Variants in SYNPO observed in about 807,000 individuals in gnomAD.
SYNPO encodes the protein synaptopodin.
In SYNPO, 19 loss-of-function variants were observed where a neutral mutation model predicts 49.5. The ratio of observed to expected loss-of-function variants is 0.38; its 90% CI spans 0.27 to 0.56. The LOEUF (loss-of-function observed/expected upper bound fraction) is 0.56, where lower values mean the gene tolerates loss of function less well. SYNPO is among the 20% of genes least tolerant of loss of function. The pLI is 0.68. For synonymous variants in SYNPO, 536 were observed against 548.0 expected, an observed-to-expected ratio of 0.98 and a Z score of 0.31; for missense variants, 1,131 against 1,248.3, an observed-to-expected ratio of 0.91 and a Z score of 1.42.
At chr5:150,592,346 G>C in the SYNPO span, among the ~76,000 whole-genome samples, 6 of 152,156 alleles carry the variant, frequency 3.9e-5, no homozygotes, top group Admixed American at 2.0e-4. Context: ...TGGGTCTCCT[G>C]TATTTGTACT....
intron 1 of SYNPO, among the ~76,000 whole-genome samples, chr5:150,604,768 G>C (rs989039534): frequency 6.6e-6 from 1 of 152,196 alleles, no homozygotes; most frequent in African/African-American, 2.4e-5. Flanking sequence ...ACTGCGGCTG[G>C]CACTGAACAA....
chr5:150,618,078 GT>G (rs1757030670), intron 1 of SYNPO: 1 of 324,098 alleles, frequency 3.1e-6, no homozygotes, highest in Non-Finnish European at 5.6e-6. Flanking sequence ...CTCATGTGCT[GT>G]TTCTTTCTTC....
chr5:150,650,127 C>T lies in SYNPO; in HGVS notation c.1852C>T (p.Arg618Cys), dbSNP rs199689202. ...ATCTCCTGCCCTGCCTCGGCCCTCG[C>T]GCTCCTCACCGGGCCTCTACACCTC... ...PPSPALPRPS[R>C]SSPGLYTSPG... Residue 618 changes from arginine (R) to cysteine (C), a missense_variant, in exon 2 of 3, where the codon CGC becomes TGC. Arg to Cys is a radical substitution (Grantham distance 180). Transcript: ENST00000307662. 4.9e-5 allele frequency: 79 copies of T among 1,613,202 alleles called. No homozygotes were observed. Among genetic ancestry groups the T allele is most frequent in the Non-Finnish European group, 6.3e-5 (74 of 1,179,794 alleles).
chr5:150,649,294 A>G lies in SYNPO; in HGVS notation c.1019A>G (p.Tyr340Cys), dbSNP rs759292082. Reference sequence around the variant, plus strand: ...TCCTGGGTGAGGTCTCCTCCCTCATATTCTGTCCTGTATCCCAGCTCCGAC... The same window carrying G: ...TCCTGGGTGAGGTCTCCTCCCTCATGTTCTGTCCTGTATCCCAGCTCCGAC... ...LASWVRSPPS[Y>C]SVLYPSSDPK... Residue 340 changes from tyrosine to cysteine, a missense_variant, in exon 2 of 3, where the codon TAT becomes TGT. Transcript: ENST00000307662. The G allele has an allele frequency of 9.3e-6, 15 of 1,613,922 alleles. No homozygotes were observed. In the East Asian group the frequency reaches 2.9e-4, roughly 31 times the overall value.
the SYNPO span, among the ~76,000 whole-genome samples, chr5:150,593,768 A>G: frequency 1.3e-5 from 2 of 152,142 alleles, no homozygotes; most frequent in African/African-American, 2.4e-5. Flanking sequence ...GGTGTGGCCT[A>G]TTTCTAACAA....
intron 2 of SYNPO, among the ~76,000 whole-genome samples, chr5:150,630,278 C>T (rs1757493819): frequency 6.6e-6 from 1 of 152,174 alleles, no homozygotes; most frequent in South Asian, 2.1e-4. Context: ...TGGCACACCG[C>T]CACCATTGTA....
chr5:150,645,492 G>A (rs1420720728), intron 1 of SYNPO, among the ~76,000 whole-genome samples: 1 of 152,224 alleles, frequency 6.6e-6, no homozygotes, highest in African/African-American at 2.4e-5. Flanking sequence ...TCAACTGTGT[G>A]CCAGCTGGCC....
At chr5:150,618,653 G>C in exon 2 of SYNPO, 1 of 1,551,260 alleles carries the variant, frequency 6.4e-7, no homozygotes, top group Non-Finnish European at 8.7e-7. Context: ...AGAGGAACAA[G>C]GGGCGTCCCA....
At chr5:150,597,320 GTTGTTTTGTTTTGTT>G (rs570975954), upstream of SYNPO, among the ~76,000 whole-genome samples, 2 of 152,116 alleles carry the variant, frequency 1.3e-5, no homozygotes, top group East Asian at 3.8e-4. Context: ...ATTTGGTTTT[GTTGTTTTGTTTTGTT>G]TTGTTTTGTT....
the SYNPO span, among the ~76,000 whole-genome samples, chr5:150,591,033 G>T: frequency 2.0e-5 from 3 of 152,158 alleles, no homozygotes; most frequent in African/African-American, 7.2e-5. Context: ...GTTAGAGGGG[G>T]TGGGGAACAG....
At chr5:150,624,270 G>A (rs531761178) in intron 2 of SYNPO, among the ~76,000 whole-genome samples, 2 of 152,218 alleles carry the variant, frequency 1.3e-5, no homozygotes, top group South Asian at 4.1e-4. Context: ...ACATAGCGGG[G>A]AAGATGGGCC....
At chr5:150,595,005 C>T in the SYNPO span, among the ~76,000 whole-genome samples, 1 of 152,074 alleles carries the variant, frequency 6.6e-6, no homozygotes, top group African/African-American at 2.4e-5. Context: ...CTTCACTTGT[C>T]TGTTATTTTA....
chr5:150,656,258 T>G (rs1056699718), intron 2 of SYNPO, 146 bp from the exon 3 acceptor site: 1 of 632,708 alleles, frequency 1.6e-6, no homozygotes, highest in Non-Finnish European at 2.6e-6. Context: ...TTTGGGCGCC[T>G]GCGTTTTATT....
intron 2 of SYNPO, among the ~76,000 whole-genome samples, chr5:150,635,350 C>T (rs977143871): frequency 6.6e-6 from 1 of 152,250 alleles, no homozygotes; most frequent in Non-Finnish European, 1.5e-5. Flanking sequence ...CGGCTGGAGC[C>T]TCTCCAGCAT....
intron 1 of SYNPO, among the ~76,000 whole-genome samples, chr5:150,606,314 C>A (rs1285308735): frequency 2.0e-5 from 3 of 152,224 alleles, no homozygotes; most frequent in African/African-American, 7.2e-5. Flanking sequence ...ACAGTCTCAA[C>A]CCCCTCACTG....
chr5:150,650,282 G>C lies in SYNPO; in HGVS notation c.2007G>C (p.Arg669=), dbSNP rs752931415. Reference sequence around the variant, plus strand: ...CCCCCAGGCCCTCCTTCTCTACCCGGAACGCCGGGATCGAGGCTCAGGTGT... The same window carrying C: ...CCCCCAGGCCCTCCTTCTCTACCCGCAACGCCGGGATCGAGGCTCAGGTGT... ...KQAPRPSFST[R]NAGIEAQDRR... Residue 669 remains arginine, a synonymous_variant, in exon 2 of 3, where the codon CGG becomes CGC. Transcript: ENST00000307662. 5 of 1,614,016 alleles carry C rather than the reference G, an allele frequency of 3.1e-6. No individual in the cohort carries two copies. Among genetic ancestry groups the C allele is most frequent in the Non-Finnish European group, 4.2e-6 (5 of 1,180,060 alleles).
chr5:150,645,768 C>T (rs952570430), intron 1 of SYNPO, among the ~76,000 whole-genome samples: 3 of 152,228 alleles, frequency 2.0e-5, no homozygotes, highest in African/African-American at 7.2e-5. Context: ...TATCTCTGAA[C>T]CTCCGTTTCT....
At chr5:150,611,658 G>A (rs1314059989) in intron 1 of SYNPO, among the ~76,000 whole-genome samples, 1 of 152,202 alleles carries the variant, frequency 6.6e-6, no homozygotes, top group Non-Finnish European at 1.5e-5. Context: ...GAGTAGGCTG[G>A]GCGGTTGGGA....
chr5:150,622,335 T>C (rs1416986570), intron 2 of SYNPO, among the ~76,000 whole-genome samples: 1 of 152,170 alleles, frequency 6.6e-6, no homozygotes, highest in African/African-American at 2.4e-5. Flanking sequence ...CCTGTCTCCA[T>C]GGTGATGAGG....
Sources: gnomAD v4.1 joint callset for allele counts (sites outside exome capture counted in the v4.1 genomes callset) on GRCh38, gnomAD v4.1.1 for gene constraint, MANE v1.5 for transcripts, NCBI Gene and HGNC (gene_info 2026-07-23, HGNC 2026-07-21) for gene names.